Variants in LRRC4C observed in about 807,000 individuals in gnomAD.
The protein encoded by LRRC4C is leucine rich repeat containing 4C.
A neutral mutation model predicts 33.6 loss-of-function variants in LRRC4C; 5 were observed. That is an observed-to-expected ratio of 0.15 (90% CI 0.08 to 0.31). LRRC4C has a LOEUF of 0.31. Ranked by LOEUF, LRRC4C falls within the 10% of genes least tolerant of loss-of-function variation. The probability of loss-of-function intolerance (pLI) is 1.00; values close to 1 mark genes in which losing one functional copy is unlikely to be tolerated. For missense variants in LRRC4C, 560 were observed against 796.7 expected (o/e 0.70, Z 3.58); for synonymous variants, 329 against 302.0 (o/e 1.09, Z -0.93).
At chr11:40,503,799 A>G (rs1300151970) in intron 3 of LRRC4C, among the ~76,000 whole-genome samples, 1 of 152,184 alleles carries the variant, frequency 6.6e-6, no homozygotes, top group Non-Finnish European at 1.5e-5. Context: ...TGTGGTTTTA[A>G]TCTGAAGCTA....
intron 5 of LRRC4C, among the ~76,000 whole-genome samples, chr11:40,186,065 A>G (rs1386660075): frequency 2.0e-5 from 3 of 152,158 alleles, no homozygotes; most frequent in Non-Finnish European, 2.9e-5. Flanking sequence ...ATTTGTTTAT[A>G]AGAGAGCTTC....
intron 3 of LRRC4C, among the ~76,000 whole-genome samples, chr11:40,569,350 AT>A (rs1264581151): frequency 6.6e-6 from 1 of 152,170 alleles, no homozygotes; most frequent in East Asian, 1.9e-4. Flanking sequence ...GCCAGAAGAA[AT>A]TTAGTATCCT....
intron 2 of LRRC4C, among the ~76,000 whole-genome samples, chr11:40,855,083 A>C (rs1020160018): frequency 6.6e-6 from 1 of 152,320 alleles, no homozygotes; most frequent in African/African-American, 2.4e-5. Context: ...TTGTCAGAAT[A>C]AAACCCATAA....
intron 2 of LRRC4C, among the ~76,000 whole-genome samples, chr11:40,798,526 A>G (rs1950917401): frequency 1.3e-5 from 2 of 152,216 alleles, no homozygotes; most frequent in African/African-American, 2.4e-5. Context: ...ATTTAAAATT[A>G]TAAGTAATAG....
At chr11:40,972,895 T>C (rs781338685) in intron 1 of LRRC4C, among the ~76,000 whole-genome samples, 10 of 152,188 alleles carry the variant, frequency 6.6e-5, no homozygotes, top group Non-Finnish European at 1.3e-4. Context: ...CAAATTGTAA[T>C]CTTTCAGTGT....
rs972247254 is a variant in LRRC4C at position 40,378,907 on chromosome 11, T to C, written c.-269-59186A>G. ...TAGAAGTAAAATATATGTGTGAGCA[T>C]GTATGTGTCTGTGTTTTCCATTGCT... On this transcript the variant is annotated intron_variant, in intron 3 of 6. Transcript: ENST00000528697. Among the ~76,000 whole-genome samples the C allele has an allele frequency of 4.2e-4, 64 of 152,182 alleles. 1 individual carries two copies. Among genetic ancestry groups the C allele is most frequent in the Non-Finnish European group, 1.0e-4 (7 of 68,002 alleles).
At chr11:40,999,565 G>C (rs1232214726) in intron 1 of LRRC4C, among the ~76,000 whole-genome samples, 1 of 151,916 alleles carries the variant, frequency 6.6e-6, no homozygotes. Context: ...TTTTTCTTAA[G>C]GGAACAACCG....
intron 1 of LRRC4C, among the ~76,000 whole-genome samples, chr11:41,192,381 G>T (rs1453652603): frequency 6.8e-6 from 1 of 146,476 alleles, no homozygotes; most frequent in Admixed American, 6.9e-5. Context: ...TGACAACAGG[G>T]CTAATCAAGA....
At position 40,686,722 on chromosome 11, in the gene LRRC4C, T is replaced by G. The variant is rs1944976038; in HGVS notation, c.-406-38444A>C. 2.0e-5 allele frequency among the ~76,000 whole-genome samples: 3 copies of G among 152,146 alleles called. No individual in the cohort carries two copies. The South Asian group carries it at 6.2e-4, about 31-fold the overall frequency. On this transcript the variant is annotated intron_variant, in intron 2 of 6. Coordinates refer to ENST00000528697, the MANE Select transcript of LRRC4C (RefSeq NM_001258419.2). ...TTAATTCATCTTACAAGAGCAGTGT[T>G]TCTCTAATTATATTAAGAGTTTGAG...
chr11:40,962,538 A>G (rs1851048846), intron 1 of LRRC4C, among the ~76,000 whole-genome samples: 1 of 151,770 alleles, frequency 6.6e-6, no homozygotes, highest in Non-Finnish European at 1.5e-5. Flanking sequence ...GGGAACTTAA[A>G]TACGGATAAA....
At chr11:40,989,741 A>T (rs1206488685) in intron 1 of LRRC4C, among the ~76,000 whole-genome samples, 2 of 152,136 alleles carry the variant, frequency 1.3e-5, no homozygotes, top group Admixed American at 6.5e-5. Context: ...TTGCAGTGGT[A>T]GTTGTTTTCA....
intron 4 of LRRC4C, among the ~76,000 whole-genome samples, chr11:40,272,916 A>G (rs1942815027): frequency 1.3e-5 from 2 of 152,062 alleles, no homozygotes; most frequent in Non-Finnish European, 2.9e-5. Context: ...ACCACATTTT[A>G]AAGCCATGTG....
intron 1 of LRRC4C, among the ~76,000 whole-genome samples, chr11:41,246,439 C>T (rs561181396): frequency 6.6e-6 from 1 of 152,182 alleles, no homozygotes; most frequent in Non-Finnish European, 1.5e-5. Context: ...GGTAGGGGGG[C>T]TTCCTTGGCC....
At chr11:40,799,530 T>A (rs1950958986) in intron 2 of LRRC4C, among the ~76,000 whole-genome samples, 1 of 152,238 alleles carries the variant, frequency 6.6e-6, no homozygotes, top group East Asian at 1.9e-4. Flanking sequence ...AGTCTCACTC[T>A]GTCACCCAGG....
At chr11:41,399,663 C>T (rs1953952758) in intron 1 of LRRC4C, among the ~76,000 whole-genome samples, 2 of 151,920 alleles carry the variant, frequency 1.3e-5, no homozygotes, top group African/African-American at 4.8e-5. Context: ...AAGAAGAGAA[C>T]ATAAAACTTT....
At position 41,101,380 on chromosome 11, in the gene LRRC4C, A is replaced by T. The variant is rs190499705; in HGVS notation, c.-495-167657T>A. On this transcript the variant is annotated intron_variant, in intron 1 of 6. Coordinates refer to ENST00000528697, the MANE Select transcript of LRRC4C (RefSeq NM_001258419.2). Reference sequence around the variant, plus strand: ...CTCAAAAGGAGATATACATGTGGGCAACAAGCGTATGAAAAAAAGCTCAGT... The same window carrying T: ...CTCAAAAGGAGATATACATGTGGGCTACAAGCGTATGAAAAAAAGCTCAGT... 6.6e-5 allele frequency among the ~76,000 whole-genome samples: 10 copies of T among 152,336 alleles called. No individual in the cohort carries two copies. The East Asian group carries it at 1.9e-3, about 29-fold the overall frequency.
intron 1 of LRRC4C, among the ~76,000 whole-genome samples, chr11:41,022,950 T>C (rs1198764062): frequency 6.6e-6 from 1 of 151,978 alleles, no homozygotes; most frequent in Non-Finnish European, 1.5e-5. Context: ...CAGTGCACTT[T>C]CTCACAGAAA....
At chr11:40,902,382 C>T (rs547821508) in intron 2 of LRRC4C, among the ~76,000 whole-genome samples, 2 of 152,176 alleles carry the variant, frequency 1.3e-5, no homozygotes, top group South Asian at 4.1e-4. Context: ...CTCATCTGTC[C>T]TCCTCTTCTC....
chr11:40,541,347 T>A lies in LRRC4C; in HGVS notation c.-270+106795A>T, dbSNP rs534815970. Among the ~76,000 whole-genome samples, 13 of 152,226 alleles carry A rather than the reference T, an allele frequency of 8.5e-5. No homozygotes were observed. The South Asian group carries it at 2.7e-3, about 32-fold the overall frequency. On this transcript the variant is annotated intron_variant, in intron 3 of 6. Coordinates refer to ENST00000528697, the MANE Select transcript of LRRC4C (RefSeq NM_001258419.2). ...GTCTCAAACTCTTGGCTTCAAGGGA[T>A]CTTCTCGCCTCAGCCTCCCAAAATG... is the stretch of plus-strand genomic sequence containing the variant.
Sources: allele counts gnomAD v4.1 joint callset (sites outside exome capture counted in the v4.1 genomes callset), GRCh38; gene constraint gnomAD v4.1.1; transcripts MANE v1.5; gene names NCBI Gene and HGNC (gene_info 2026-07-23, HGNC 2026-07-21).